Variants in LAMA3 observed in about 807,000 individuals in gnomAD.
LAMA3 encodes the protein laminin subunit alpha-3.
LAMA3 carries 281 observed loss-of-function variants against 402.0 expected under a neutral mutation model. The ratio of observed to expected loss-of-function variants is 0.70; its 90% CI spans 0.63 to 0.77. LAMA3 has a LOEUF of 0.77. LAMA3 is among the 30% of genes least tolerant of loss of function. The probability of loss-of-function intolerance (pLI) is 0.00; values close to 1 mark genes in which losing one functional copy is unlikely to be tolerated. For synonymous variants in LAMA3, 1,431 were observed against 1,558.4 expected (o/e 0.92, Z 1.93); for missense variants, 3,840 against 4,215.5 (o/e 0.91, Z 2.47).
At chr18:23,723,693 T>C (rs2061250766) in intron 2 of LAMA3, among the ~76,000 whole-genome samples, 1 of 152,060 alleles carries the variant, frequency 6.6e-6, no homozygotes, top group Admixed American at 6.5e-5. Flanking sequence ...CCTGGCTGTG[T>C]GTAATTGGAT....
At chr18:23,807,437 C>T (rs1165687469) in intron 12 of LAMA3, among the ~76,000 whole-genome samples, 1 of 151,202 alleles carries the variant, frequency 6.6e-6, no homozygotes, top group Non-Finnish European at 1.5e-5. Flanking sequence ...TACCTATGTA[C>T]ATATAATATA....
intron 2 of LAMA3, among the ~76,000 whole-genome samples, chr18:23,714,280 G>T (rs1568105698): frequency 1.3e-5 from 2 of 152,198 alleles, no homozygotes; most frequent in Non-Finnish European, 2.9e-5. Flanking sequence ...AGCACTTTGG[G>T]ACGCCGAGGT....
chr18:23,891,008 C>G (rs2080641898), intron 42 of LAMA3, among the ~76,000 whole-genome samples: 1 of 152,186 alleles, frequency 6.6e-6, no homozygotes, highest in South Asian at 2.1e-4. Flanking sequence ...AGAAGGTTTA[C>G]AGAAAATCAG....
chr18:23,794,688 C>T (rs999148843), intron 12 of LAMA3, among the ~76,000 whole-genome samples: 22 of 152,164 alleles, frequency 1.4e-4, no homozygotes, highest in African/African-American at 5.1e-4. Context: ...CAGTCACCCA[C>T]ACTACGTGAA....
Position 23,822,298 on chromosome 18 carries a change from T to C in LAMA3, c.2351T>C (p.Leu784Ser), listed in dbSNP as rs777223251. 8 of 1,613,644 alleles carry C rather than the reference T, an allele frequency of 5.0e-6. No individual in the cohort carries two copies. In the East Asian group the frequency reaches 1.3e-4, roughly 27 times the overall value. The part of the protein sequence containing the change: ...TLNVGKSSGS[L>S]FRVILRYVNP... The stretch of plus-strand genomic sequence containing the variant: ...AATGTAGGGAAGTCAAGTGGCTCCT[T>C]GTTTCGTGTTATTCTGAGATACGTT... The change falls in exon 20 of 75, where the codon TTG becomes TCG. Residue 784 changes from leucine to serine, a missense_variant. By Grantham distance (145) the Leu-to-Ser change is moderately radical. Coordinates refer to ENST00000313654, the MANE Select transcript of LAMA3 (RefSeq NM_198129.4).
chr18:23,758,225 A>G (rs1310268193), intron 6 of LAMA3, among the ~76,000 whole-genome samples, 171 bp from the exon 7 acceptor site: 1 of 152,254 alleles, frequency 6.6e-6, no homozygotes, highest in African/African-American at 2.4e-5. Flanking sequence ...ATAAATAAGC[A>G]GGATATGGGA....
chr18:23,773,686 C>T (rs1340642359), intron 9 of LAMA3, 99 bp downstream of exon 9: 2 of 760,172 alleles, frequency 2.6e-6, no homozygotes, highest in African/African-American at 1.7e-5. Flanking sequence ...CCTTCATGCC[C>T]TCTCTCTTCA....
rs1281376711 is a variant in LAMA3 at position 23,954,879 on chromosome 18, A to G, written c.*231A>G. The G allele has an allele frequency of 1.8e-6, 1 of 550,838 alleles. No individual in the cohort carries two copies. Among genetic ancestry groups the G allele is most frequent in the Non-Finnish European group, 3.2e-6 (1 of 308,160 alleles). The allele number at this position is 550,838 out of a possible 1,614,324, so 34.1% of individuals were successfully genotyped here. ...TGAAGATAAAAAAATTGTTATTCAA[A>G]TTGTTATGCACAGAATGTTTTTGGT... On this transcript the variant is annotated 3_prime_UTR_variant, in exon 75 of 75. Transcript: ENST00000313654.
chr18:23,831,455 A>G (rs1417019135), intron 23 of LAMA3, among the ~76,000 whole-genome samples: 1 of 150,278 alleles, frequency 6.7e-6, no homozygotes, highest in Non-Finnish European at 1.5e-5. Flanking sequence ...CTACCCAAAC[A>G]CTCTTCTCTC....
At chr18:23,922,043 T>TA (rs1414431414) in intron 62 of LAMA3, among the ~76,000 whole-genome samples, 4 of 152,240 alleles carry the variant, frequency 2.6e-5, no homozygotes, top group Non-Finnish European at 5.9e-5. Flanking sequence ...AGCTGCTCCT[T>TA]ACATGCTATC....
chr18:23,772,044 CTTT>C (rs35056110), intron 8 of LAMA3, among the ~76,000 whole-genome samples: 29 of 141,170 alleles, frequency 2.1e-4, no homozygotes, highest in Admixed American at 3.5e-4. Context: ...TGATCGAAGT[CTTT>C]TTTTTTTTTT....
intron 1 of LAMA3, among the ~76,000 whole-genome samples, chr18:23,705,968 C>T (rs1488218638): frequency 6.6e-6 from 1 of 152,150 alleles, no homozygotes; most frequent in Admixed American, 6.5e-5. Flanking sequence ...CATCCCAAAT[C>T]TTTTATTAAT....
At chr18:23,860,261 C>CT (rs59852195) in intron 34 of LAMA3, among the ~76,000 whole-genome samples, 53,188 of 112,850 alleles carry the variant, frequency 0.47, 13,909 homozygotes, top group Non-Finnish European at 0.58. Flanking sequence ...CTTTTCTTTT[C>CT]TTTTTTTTTT....
chr18:23,921,210 G>A (rs552559572), intron 61 of LAMA3, among the ~76,000 whole-genome samples, 156 bp downstream of exon 61: 5 of 152,140 alleles, frequency 3.3e-5, no homozygotes, highest in Admixed American at 6.5e-5. Flanking sequence ...TGCACATTTC[G>A]GCATGAAATG....
intron 12 of LAMA3, among the ~76,000 whole-genome samples, chr18:23,806,638 C>T (rs2062968184): frequency 6.6e-6 from 1 of 152,174 alleles, no homozygotes; most frequent in Admixed American, 6.5e-5. Flanking sequence ...CCCATATGTC[C>T]CCAAAGCAAT....
At chr18:23,756,668 AC>A (rs1189550551) in intron 6 of LAMA3, among the ~76,000 whole-genome samples, 2 of 152,188 alleles carry the variant, frequency 1.3e-5, no homozygotes, top group African/African-American at 4.8e-5. Context: ...CCGCAGTGAG[AC>A]AGGAAAGGGG....
At chr18:23,861,841 G>A in intron 35 of LAMA3, 34 bp downstream of exon 35, 2 of 1,589,806 alleles carry the variant, frequency 1.3e-6, no homozygotes, top group South Asian at 1.1e-5. Context: ...TGGGCCCTCA[G>A]TGGGCCTCTG....
chr18:23,878,771 T>C (rs1006849038), intron 39 of LAMA3, among the ~76,000 whole-genome samples: 2 of 152,250 alleles, frequency 1.3e-5, no homozygotes, highest in Non-Finnish European at 2.9e-5. Context: ...ATCTTCAAGA[T>C]ATTTCAAGAA....
chr18:23,863,391 A>G (rs2064272942), intron 35 of LAMA3, among the ~76,000 whole-genome samples: 1 of 152,162 alleles, frequency 6.6e-6, no homozygotes, highest in African/African-American at 2.4e-5. Context: ...GTTGCAATGA[A>G]CTGAGCTCGA....
Sources: allele counts gnomAD v4.1 joint callset (sites outside exome capture counted in the v4.1 genomes callset), GRCh38; gene constraint gnomAD v4.1.1; transcripts MANE v1.5; gene names NCBI Gene and HGNC (gene_info 2026-07-23, HGNC 2026-07-21).